ATP2C2: variants seen among roughly 807,000 people sequenced by gnomAD.
ATP2C2 encodes the protein ATPase secretory pathway Ca2+ transporting 2, also known as calcium-transporting ATPase type 2C member 2.
Under a neutral mutation model 110.8 loss-of-function variants are expected in ATP2C2, and 171 were observed. The observed-to-expected ratio is 1.54, with a 90% CI of 1.36 to 1.75. The LOEUF is 1.75. ATP2C2 is among the 40% of genes most tolerant of loss of function. The pLI is 0.00. For missense variants in ATP2C2, 1,963 were observed against 1,235.0 expected, an observed-to-expected ratio of 1.59 and a Z score of -8.84; for synonymous variants, 804 against 508.4, an observed-to-expected ratio of 1.58 and a Z score of -7.82.
Position 84,380,284 on chromosome 16 carries a change from T to C in ATP2C2, c.99+11570T>C, listed in dbSNP as rs1910498647. ...TGAGTGACAGTTTTGCCTTCACTTA[T>C]TATTGAATTCTCCTAATAGTAGTTG... On this transcript the variant is annotated intron_variant, in intron 1 of 26. Transcript: ENST00000262429. Among the ~76,000 whole-genome samples the C allele has an allele frequency of 2.0e-5, 3 of 152,222 alleles. No homozygotes were observed. In the South Asian group the frequency reaches 6.2e-4, roughly 32 times the overall value.
chr16:84,449,968 C>T (rs1335577337), intron 17 of ATP2C2, among the ~76,000 whole-genome samples: 3 of 152,216 alleles, frequency 2.0e-5, no homozygotes, highest in East Asian at 1.9e-4. Flanking sequence ...GCCCTGAATC[C>T]CCACCGGGCA....
chr16:84,447,678 C>T lies in ATP2C2; in HGVS notation c.1504-855C>T, dbSNP rs998156364. 6.8e-3 allele frequency among the ~76,000 whole-genome samples: 966 copies of T among 141,862 alleles called. 23 individuals carry two copies. Among genetic ancestry groups the T allele is most frequent in the African/African-American group, 0.024 (921 of 37,672 alleles). 93.1% of individuals were successfully genotyped at this position (141,862 alleles called of 152,430 possible). A position where few individuals can be genotyped will look rare whatever the true frequency, so the allele number is the denominator to read the frequency against. ...TATGTAATATATATTACATATATTA[C>T]ATATATTATTTAATATATATTATGT... On this transcript the variant is annotated intron_variant, in intron 16 of 26. Coordinates refer to ENST00000262429, the MANE Select transcript of ATP2C2 (RefSeq NM_014861.4).
chr16:84,442,445 C>A (rs1597845132), intron 14 of ATP2C2, 65 bp from the exon 15 acceptor site: 1 of 1,507,758 alleles, frequency 6.6e-7, no homozygotes, highest in Admixed American at 1.7e-5. Flanking sequence ...TGGGACAGGC[C>A]CACAATGTCT....
At chr16:84,451,367 C>G (rs764789233) in intron 17 of ATP2C2, among the ~76,000 whole-genome samples, 2 of 152,176 alleles carry the variant, frequency 1.3e-5, no homozygotes, top group African/African-American at 4.8e-5. Flanking sequence ...CAAACCATAT[C>G]AAGCAGACAG....
intron 6 of ATP2C2, among the ~76,000 whole-genome samples, chr16:84,412,321 TGTGC>T (rs66951233): frequency 0.16 from 19,697 of 126,278 alleles, 1,459 homozygotes; most frequent in Non-Finnish European, 0.2. Context: ...TGCACGTGTG[TGTGC>T]GTGTGTGTCT....
At chr16:84,422,327 C>G (rs1250052108) in intron 7 of ATP2C2, 63 bp from the exon 8 acceptor site, 17 of 1,557,270 alleles carry the variant, frequency 1.1e-5, no homozygotes, top group Non-Finnish European at 1.5e-5. Flanking sequence ...CCATTTTGTG[C>G]TTTTAACACC....
At chr16:84,385,138 T>G (rs72804668) in intron 1 of ATP2C2, among the ~76,000 whole-genome samples, 11,205 of 152,232 alleles carry the variant, frequency 0.074, 538 homozygotes, top group Middle Eastern at 0.11. Flanking sequence ...CTGCAGGCTG[T>G]ACAGGAAGCA....
intron 1 of ATP2C2, among the ~76,000 whole-genome samples, chr16:84,375,968 G>A (rs531209203): frequency 1.1e-3 from 174 of 152,058 alleles, no homozygotes; most frequent in African/African-American, 4.0e-3. Context: ...GGGTAGCTGG[G>A]TGGGTGTAGC....
intron 1 of ATP2C2, among the ~76,000 whole-genome samples, chr16:84,375,027 G>C (rs1053707973): frequency 1.3e-5 from 2 of 152,146 alleles, no homozygotes; most frequent in African/African-American, 4.8e-5. Flanking sequence ...TAGACACCTG[G>C]TAAGAAGGAC....
rs1378658237 is a variant in ATP2C2, at chr16:84,461,820, C to T, written c.2580+8C>T. 1 of 1,612,736 alleles carries T rather than the reference C, an allele frequency of 6.2e-7. No individual in the cohort carries two copies. Among genetic ancestry groups the T allele is most frequent in the Non-Finnish European group, 8.5e-7 (1 of 1,178,692 alleles). Reference sequence around the variant, plus strand: ...TTGACCTGCCGCTCTCAGGTGAGACCCGGGCTGACCCTCCTCGCTGCAGAG... The same window carrying T: ...TTGACCTGCCGCTCTCAGGTGAGACTCGGGCTGACCCTCCTCGCTGCAGAG... On this transcript the variant is annotated splice_region_variant and intron_variant, in intron 25 of 26. Transcript: ENST00000262429.
At chr16:84,415,418 G>A (rs3743649) in intron 6 of ATP2C2, 65 bp from the exon 7 acceptor site, 197,988 of 1,283,622 alleles carry the variant, frequency 0.15, 16,168 homozygotes, top group South Asian at 0.21. Flanking sequence ...TTGTTCAAAT[G>A]TATCAAGGTG....
Position 84,446,439 on chromosome 16 carries a change from T to C in ATP2C2, c.1503+9T>C. On this transcript the variant is annotated intron_variant, in intron 16 of 26. Transcript: ENST00000262429. ...GCAGTCTGAAGACTGAGGTGAGACC[T>C]TTCAATCTTCAACCTCTTCTCTCTT... 6.4e-7 allele frequency: 1 copy of C among 1,565,810 alleles called. No homozygotes were observed. The highest frequency in any genetic ancestry group is 2.3e-5 in the East Asian group (1 of 43,330).
Position 84,452,048 on chromosome 16 carries a change from G to T in ATP2C2, c.1788G>T (p.Val596=), listed in dbSNP as rs1445107111. The T allele has an allele frequency of 6.2e-7, 1 of 1,613,840 alleles. No individual in the cohort carries two copies. The highest frequency in any genetic ancestry group is 8.5e-7 in the Non-Finnish European group (1 of 1,180,014). Residue 596 remains valine (V), a synonymous_variant, in exon 18 of 27, where the codon GTG becomes GTT. Transcript: ENST00000262429. ...TTCTCTCCGAGTCTGGTGTGTCTGTGAAGATGATAACGGGGGATGCCCTGG... is the reference window on the plus strand; with the variant it reads ...TTCTCTCCGAGTCTGGTGTGTCTGTTAAGATGATAACGGGGGATGCCCTGG... ...VQVLSESGVS[V]KMITGDALET...
Position 84,463,632 on chromosome 16 carries a change from G to C in ATP2C2, c.2741G>C (p.Gly914Ala), listed in dbSNP as rs202094486. 8 of 1,613,962 alleles carry C rather than the reference G, an allele frequency of 5.0e-6. No individual in the cohort carries two copies. In the Admixed American group the frequency reaches 6.7e-5, roughly 13 times the overall value. Residue 914 changes from glycine (G) to alanine (A), a missense_variant, in exon 27 of 27, where the codon GGA (glycine) becomes GCA (alanine). Transcript: ENST00000262429. ...TTGGCAGATTTGCTGTTTTTAACTG[G>C]ATTGGCCTCATCCGTCTTCATTTTG... ...LGALDLLFLT[G>A]LASSVFILSE...
At chr16:84,448,341 A>C (rs1597858190) in intron 16 of ATP2C2, among the ~76,000 whole-genome samples, 192 bp from the exon 17 acceptor site, 2 of 152,312 alleles carry the variant, frequency 1.3e-5, no homozygotes, top group South Asian at 4.1e-4. Flanking sequence ...CTGGACTGCA[A>C]AACGTTCCAT....
intron 7 of ATP2C2, among the ~76,000 whole-genome samples, chr16:84,420,362 A>G (rs1907217300): frequency 6.9e-6 from 1 of 144,790 alleles, no homozygotes; most frequent in South Asian, 2.2e-4. Context: ...ACCCACACTC[A>G]CTCCCCACCC....
Position 84,448,520 on chromosome 16 carries a change from T to G in ATP2C2, c.1504-13T>G. 2 of 1,602,112 alleles carry G rather than the reference T, an allele frequency of 1.2e-6. No individual in the cohort carries two copies. Among genetic ancestry groups the G allele is most frequent in the Non-Finnish European group, 1.7e-6 (2 of 1,171,432 alleles). ...CCAGTGATAGTGGATTTCTTCCCTT[T>G]GTCTTTTCTAAGGATCAGGAAGACA... On this transcript the variant is annotated splice_polypyrimidine_tract_variant and intron_variant, in intron 16 of 26. Transcript: ENST00000262429.
chr16:84,424,887 T>C (rs963883173), intron 10 of ATP2C2, among the ~76,000 whole-genome samples: 3 of 152,214 alleles, frequency 2.0e-5, no homozygotes, highest in African/African-American at 4.8e-5. Context: ...GCCACAAGGG[T>C]GGAGTGAGTA....
intron 6 of ATP2C2, among the ~76,000 whole-genome samples, chr16:84,412,402 C>CTGTG (rs945877174): frequency 8.0e-6 from 1 of 124,514 alleles, no homozygotes; most frequent in Non-Finnish European, 1.7e-5. Flanking sequence ...CTGTGTGTGT[C>CTGTG]TGTGCATGTG....
Sources: gnomAD v4.1 joint callset for allele counts (sites outside exome capture counted in the v4.1 genomes callset) on GRCh38, gnomAD v4.1.1 for gene constraint, MANE v1.5 for transcripts, NCBI Gene and HGNC (gene_info 2026-07-23, HGNC 2026-07-21) for gene names.